NR2F1-AS1: variants seen among roughly 807,000 people sequenced by gnomAD.
NR2F1-AS1 encodes the protein NR2F1 regulatory antisense RNA 1.
intron 2 of NR2F1-AS1, among the ~76,000 whole-genome samples, chr5:93,560,937 A>G (rs1244210905): frequency 6.6e-6 from 1 of 152,256 alleles, no homozygotes; most frequent in Non-Finnish European, 1.5e-5. Context: ...TGCAATTATT[A>G]TGGAAAGAAT....
intron 4 of NR2F1-AS1, among the ~76,000 whole-genome samples, chr5:93,447,462 C>G (rs944681671): frequency 3.9e-5 from 6 of 152,182 alleles, no homozygotes; most frequent in South Asian, 2.1e-4. Flanking sequence ...AAATGCTCAT[C>G]ATCACTGGTC....
intron 2 of NR2F1-AS1, among the ~76,000 whole-genome samples, chr5:93,559,104 G>A (rs1005454888): frequency 3.3e-5 from 5 of 152,182 alleles, no homozygotes; most frequent in African/African-American, 1.2e-4. Flanking sequence ...TCTTCCAATA[G>A]AAGGCCATTT....
chr5:93,502,313 C>T (rs1042642256), intron 4 of NR2F1-AS1, among the ~76,000 whole-genome samples: 3 of 152,270 alleles, frequency 2.0e-5, no homozygotes, highest in Non-Finnish European at 4.4e-5. Flanking sequence ...CAGTGAACTG[C>T]GCTTTCTCCA....
chr5:93,422,654 G>T (rs981413748), intron 4 of NR2F1-AS1, among the ~76,000 whole-genome samples: 1 of 152,054 alleles, frequency 6.6e-6, no homozygotes, highest in Non-Finnish European at 1.5e-5. Context: ...TAAAACAAGT[G>T]GAAAGGAATC....
At chr5:93,430,035 T>C (rs1288419049) in intron 4 of NR2F1-AS1, among the ~76,000 whole-genome samples, 2 of 152,258 alleles carry the variant, frequency 1.3e-5, no homozygotes, top group Non-Finnish European at 2.9e-5. Context: ...ATCTAAGCAC[T>C]GTCTAAACAT....
At chr5:93,581,679 T>TCC (rs2149936821), upstream of NR2F1-AS1, among the ~76,000 whole-genome samples, 2 of 36,812 alleles carry the variant, frequency 5.4e-5, no homozygotes, top group Admixed American at 1.8e-4. Flanking sequence ...TCTCTCTCTC[T>TCC]CTCTCTCTCT....
At chr5:93,463,798 T>C (rs1194138647) in intron 4 of NR2F1-AS1, among the ~76,000 whole-genome samples, 2 of 152,206 alleles carry the variant, frequency 1.3e-5, no homozygotes, top group Non-Finnish European at 2.9e-5. Context: ...TTTAGCCCCT[T>C]TGTTTCGGCC....
intron 4 of NR2F1-AS1, among the ~76,000 whole-genome samples, chr5:93,478,557 C>T (rs1305324119): frequency 6.6e-6 from 1 of 152,064 alleles, no homozygotes; most frequent in Non-Finnish European, 1.5e-5. Context: ...GTGTGTGCCA[C>T]CACGCCTGGC....
At chr5:93,485,666 G>C (rs115258717) in intron 4 of NR2F1-AS1, among the ~76,000 whole-genome samples, 3,899 of 152,010 alleles carry the variant, frequency 0.026, 82 homozygotes, top group South Asian at 0.055. Flanking sequence ...TCAATGAATT[G>C]ACTGTAAACT....
intron 4 of NR2F1-AS1, among the ~76,000 whole-genome samples, chr5:93,435,772 C>T (rs1299860406): frequency 2.0e-5 from 3 of 152,178 alleles, no homozygotes; most frequent in African/African-American, 4.8e-5. Flanking sequence ...ATGATAACCC[C>T]TTCATTTCCA....
chr5:93,563,048 C>G (rs1483275278), intron 2 of NR2F1-AS1, among the ~76,000 whole-genome samples: 1 of 152,128 alleles, frequency 6.6e-6, no homozygotes, highest in Non-Finnish European at 1.5e-5. Context: ...CTGGCTGTGT[C>G]AATGGAAAAT....
chr5:93,425,455 C>T (rs1749176511), intron 4 of NR2F1-AS1, among the ~76,000 whole-genome samples: 1 of 152,172 alleles, frequency 6.6e-6, no homozygotes, highest in Non-Finnish European at 1.5e-5. Flanking sequence ...AACCTAGATT[C>T]AGTAGAGAAA....
At chr5:93,444,514 T>C (rs1382611920) in intron 4 of NR2F1-AS1, among the ~76,000 whole-genome samples, 1 of 152,152 alleles carries the variant, frequency 6.6e-6, no homozygotes, top group Non-Finnish European at 1.5e-5. Flanking sequence ...CCTAAATATA[T>C]ATGCACCCAA....
intron 4 of NR2F1-AS1, among the ~76,000 whole-genome samples, chr5:93,470,401 G>A (rs1580254367): frequency 6.6e-6 from 1 of 151,716 alleles, no homozygotes; most frequent in Non-Finnish European, 1.5e-5. Context: ...ATATTTCTCT[G>A]TGACTAATAA....
chr5:93,488,438 A>G (rs1019852890), intron 4 of NR2F1-AS1, among the ~76,000 whole-genome samples: 1 of 152,254 alleles, frequency 6.6e-6, no homozygotes, highest in Admixed American at 6.5e-5. Flanking sequence ...AAGACTTATG[A>G]ACAGACACTT....
chr5:93,432,113 A>G (rs1262606097), intron 4 of NR2F1-AS1, among the ~76,000 whole-genome samples: 1 of 152,182 alleles, frequency 6.6e-6, no homozygotes, highest in Non-Finnish European at 1.5e-5. Context: ...CTTATTTATT[A>G]TTATTGCTTG....
intron 4 of NR2F1-AS1, among the ~76,000 whole-genome samples, chr5:93,492,439 C>T (rs1750871423): frequency 6.6e-6 from 1 of 151,380 alleles, no homozygotes; most frequent in Admixed American, 6.6e-5. Context: ...AGAATTAATT[C>T]TACCAAACAC....
intron 4 of NR2F1-AS1, among the ~76,000 whole-genome samples, chr5:93,540,196 T>A (rs982317759): frequency 6.6e-6 from 1 of 152,234 alleles, no homozygotes; most frequent in African/African-American, 2.4e-5. Flanking sequence ...AAAAATGATG[T>A]TGTTTGGGGA....
intron 4 of NR2F1-AS1, among the ~76,000 whole-genome samples, chr5:93,489,518 A>C (rs911299055): frequency 6.6e-6 from 1 of 152,150 alleles, no homozygotes; most frequent in African/African-American, 2.4e-5. Flanking sequence ...TAAAAATGTA[A>C]GTGACTTCCT....
Sources: gnomAD v4.1 joint callset for allele counts (sites outside exome capture counted in the v4.1 genomes callset) on GRCh38, gnomAD v4.1.1 for gene constraint, MANE v1.5 for transcripts, NCBI Gene and HGNC (gene_info 2026-07-23, HGNC 2026-07-21) for gene names.